KIFAP3: variants seen among roughly 807,000 people sequenced by gnomAD.
The protein encoded by KIFAP3 is kinesin associated protein 3.
Under a neutral mutation model 106.5 loss-of-function variants are expected in KIFAP3, and 68 were observed. That is an observed-to-expected ratio of 0.64 (90% CI 0.53 to 0.78). The LOEUF is 0.78. KIFAP3 is among the 30% of genes least tolerant of loss of function. The pLI is 0.00. For synonymous variants in KIFAP3, 320 were observed against 311.5 expected, an observed-to-expected ratio of 1.03 and a Z score of -0.29; for missense variants, 780 against 941.8, an observed-to-expected ratio of 0.83 and a Z score of 2.25.
Position 169,992,394 on chromosome 1 carries a change from T to C in KIFAP3, c.1184-139A>G, listed in dbSNP as rs1571620330. 1.9e-5 allele frequency: 8 copies of C among 414,860 alleles called. No individual in the cohort carries two copies. The East Asian group carries it at 3.1e-4, about 16-fold the overall frequency. The allele number at this position is 414,860 out of a possible 1,614,324, so 25.7% of individuals were successfully genotyped here. On this transcript the variant is annotated intron_variant, in intron 10 of 19. Coordinates refer to ENST00000361580, the MANE Select transcript of KIFAP3 (RefSeq NM_014970.4). ...TCTGAAAAATATTTTGAGCTATCTA[T>C]TTCAAATCCAAAATTTAGAGCAAGC...
chr1:169,972,464 C>T lies in KIFAP3; in HGVS notation c.1983+49G>A, dbSNP rs776774182. On this transcript the variant is annotated intron_variant, in intron 17 of 19. Coordinates refer to ENST00000361580, the MANE Select transcript of KIFAP3 (RefSeq NM_014970.4). ...AAAATAGGTTTACAATGACTTTCTC[C>T]CCCAAGATGAAGTCAATTATACTTT... The T allele has an allele frequency of 5.5e-6, 5 of 902,202 alleles. No homozygotes were observed. The Admixed American group carries it at 1.1e-4, about 19-fold the overall frequency. 55.9% of individuals were successfully genotyped at this position (902,202 alleles called of 1,614,324 possible).
intron 19 of KIFAP3, among the ~76,000 whole-genome samples, chr1:169,943,290 TA>T (rs1324652896): frequency 6.6e-6 from 1 of 152,230 alleles, no homozygotes; most frequent in East Asian, 1.9e-4. Context: ...AGCTGTTTCT[TA>T]AAAAACAAAT....
chr1:170,000,206 C>T (rs967154770), intron 10 of KIFAP3, among the ~76,000 whole-genome samples: 4 of 152,044 alleles, frequency 2.6e-5, no homozygotes, highest in Non-Finnish European at 2.9e-5. Flanking sequence ...AGATCCAGCC[C>T]AACACTGTGA....
chr1:169,949,799 T>C (rs1170606281), intron 19 of KIFAP3, among the ~76,000 whole-genome samples: 1 of 152,112 alleles, frequency 6.6e-6, no homozygotes, highest in Admixed American at 6.6e-5. Flanking sequence ...TAATGCATTT[T>C]GCATTAGCTC....
chr1:169,968,721 G>T (rs983627390), intron 17 of KIFAP3, among the ~76,000 whole-genome samples: 1 of 151,318 alleles, frequency 6.6e-6, no homozygotes, highest in Admixed American at 6.6e-5. Flanking sequence ...TTGACCTTTA[G>T]TCTTGACCAC....
chr1:169,958,038 T>C (rs1665120602), intron 18 of KIFAP3: 1 of 151,170 alleles, frequency 6.6e-6, no homozygotes, highest in Non-Finnish European at 1.5e-5. Flanking sequence ...GAGTTTTGAC[T>C]TAATCCCTTT....
Position 170,039,215 on chromosome 1 carries a change from G to C in KIFAP3, c.375+18C>G. The C allele has an allele frequency of 6.6e-7, 1 of 1,513,384 alleles. No individual in the cohort carries two copies. The highest frequency in any genetic ancestry group is 9.1e-7 in the Non-Finnish European group (1 of 1,099,968). The allele number at this position is 1,513,384 out of a possible 1,614,324, so 93.7% of individuals were successfully genotyped here. A position where few individuals can be genotyped will look rare whatever the true frequency, so the allele number is the denominator to read the frequency against. ...TATAATCCAGTCCTCTATTAGATCAGAATGCATGCAGTCTTACCTCCATTC... is the reference window on the plus strand; with the variant it reads ...TATAATCCAGTCCTCTATTAGATCACAATGCATGCAGTCTTACCTCCATTC... On this transcript the variant is annotated intron_variant, in intron 4 of 19. Coordinates refer to ENST00000361580, the MANE Select transcript of KIFAP3 (RefSeq NM_014970.4).
At chr1:169,929,603 T>C (rs1320607634) in intron 19 of KIFAP3, among the ~76,000 whole-genome samples, 3 of 152,082 alleles carry the variant, frequency 2.0e-5, no homozygotes, top group Admixed American at 6.5e-5. Flanking sequence ...TTCTAATGAG[T>C]TTCACCAGCA....
chr1:170,007,687 T>C (rs922237540), intron 10 of KIFAP3, among the ~76,000 whole-genome samples: 2 of 152,196 alleles, frequency 1.3e-5, no homozygotes, highest in South Asian at 2.1e-4. Flanking sequence ...AAAATGGCCA[T>C]ACTACCCAAA....
chr1:170,006,232 C>T (rs1667953567), intron 10 of KIFAP3, among the ~76,000 whole-genome samples: 1 of 152,172 alleles, frequency 6.6e-6, no homozygotes, highest in East Asian at 1.9e-4. Flanking sequence ...TCCTTCCTTT[C>T]ATGTGTTCCT....
upstream of KIFAP3, among the ~76,000 whole-genome samples, chr1:170,079,511 C>T (rs1448716965): frequency 6.8e-6 from 1 of 147,482 alleles, no homozygotes; most frequent in Non-Finnish European, 1.5e-5. Context: ...TAATGGAATT[C>T]ATGATTTTAA....
At chr1:169,949,075 AAAT>A (rs1167211380) in intron 19 of KIFAP3, among the ~76,000 whole-genome samples, 1 of 151,968 alleles carries the variant, frequency 6.6e-6, no homozygotes, top group Non-Finnish European at 1.5e-5. Flanking sequence ...TATTTTAAAG[AAAT>A]AATTTTTTAG....
chr1:169,995,798 A>C (rs887367574), intron 10 of KIFAP3, among the ~76,000 whole-genome samples: 1 of 152,144 alleles, frequency 6.6e-6, no homozygotes, highest in African/African-American at 2.4e-5. Flanking sequence ...CATAGGTACT[A>C]CATTAAAAGA....
chr1:169,948,070 T>C (rs747924048), intron 19 of KIFAP3, among the ~76,000 whole-genome samples: 2 of 151,768 alleles, frequency 1.3e-5, no homozygotes, highest in Non-Finnish European at 3.0e-5. Flanking sequence ...TATCAGTCTT[T>C]ATGTTTATCT....
chr1:170,045,355 T>C (rs1185729620), intron 3 of KIFAP3, among the ~76,000 whole-genome samples: 1 of 152,174 alleles, frequency 6.6e-6, no homozygotes, highest in Non-Finnish European at 1.5e-5. Context: ...CATATAGGTA[T>C]CTGTAGGCAT....
At chr1:170,065,447 A>T (rs1013891904) in intron 1 of KIFAP3, among the ~76,000 whole-genome samples, 1 of 151,824 alleles carries the variant, frequency 6.6e-6, no homozygotes. Context: ...CCCTGTCTCT[A>T]CTAAAAAATA....
rs751374555 is a variant in KIFAP3 at position 169,983,396 on chromosome 1, G to GT, written c.1394-15dup. 89 of 1,543,010 alleles carry GT rather than the reference G, an allele frequency of 5.8e-5. No individual in the cohort carries two copies. The highest frequency in any genetic ancestry group is 7.6e-5 in the Non-Finnish European group (85 of 1,123,960). On this transcript the variant is annotated splice_polypyrimidine_tract_variant and intron_variant, in intron 12 of 19. Coordinates refer to ENST00000361580, the MANE Select transcript of KIFAP3 (RefSeq NM_014970.4). ...TCAGCCCATTTCCTGAAACAGAAAA[G>GT]TCCCCCAATAAAATTAAGGTTAGCT...
chr1:169,984,241 A>G (rs952475206), intron 12 of KIFAP3, among the ~76,000 whole-genome samples: 2 of 151,864 alleles, frequency 1.3e-5, no homozygotes, highest in Admixed American at 1.3e-4. Context: ...TTCTACAAAG[A>G]TATTACAGAA....
chr1:169,945,340 G>T (rs565263785), intron 19 of KIFAP3, among the ~76,000 whole-genome samples: 2 of 152,180 alleles, frequency 1.3e-5, no homozygotes, highest in African/African-American at 2.4e-5. Context: ...CAAGAGCACA[G>T]GGATGACCTG....
Sources: gnomAD v4.1 joint callset for allele counts (sites outside exome capture counted in the v4.1 genomes callset) on GRCh38, gnomAD v4.1.1 for gene constraint, MANE v1.5 for transcripts, NCBI Gene and HGNC (gene_info 2026-07-23, HGNC 2026-07-21) for gene names.